The following IRAG2 variants were observed in gnomAD, a reference collection of about 807,000 sequenced individuals.
IRAG2 encodes lymphoid restricted membrane protein.
Under a neutral mutation model 69.9 loss-of-function variants are expected in IRAG2, and 45 were observed. The observed-to-expected ratio is 0.64, with a 90% CI of 0.51 to 0.83. IRAG2 has a LOEUF of 0.83. Among genes scored for constraint, IRAG2 ranks in the 40% least tolerant of loss-of-function variants. IRAG2 has a pLI of 0.00. For missense variants in IRAG2, 520 were observed against 587.0 expected (o/e 0.89, Z 1.18); for synonymous variants, 193 against 202.4 (o/e 0.95, Z 0.40).
intron 2 of IRAG2, among the ~76,000 whole-genome samples, chr12:25,062,505 A>G (rs967201146): frequency 6.6e-6 from 1 of 152,224 alleles, no homozygotes. Flanking sequence ...TCAAATTTTC[A>G]CAGACACCAT....
chr12:25,014,111 G>A (rs531094314), intron 3 of IRAG2, among the ~76,000 whole-genome samples: 47 of 151,610 alleles, frequency 3.1e-4, no homozygotes, highest in African/African-American at 1.0e-3. Context: ...TCCTGACCTC[G>A]TGATCTGCCC....
upstream of IRAG2, among the ~76,000 whole-genome samples, chr12:25,048,669 G>A (rs1324840499): frequency 6.6e-6 from 1 of 152,058 alleles, no homozygotes; most frequent in Admixed American, 6.6e-5. Context: ...TTAAACCTTT[G>A]TCCAATGGAT....
upstream of IRAG2, chr12:25,052,199 T>A: frequency 2.7e-6 from 1 of 376,530 alleles, no homozygotes; most frequent in African/African-American, 2.2e-5. Context: ...AGCTTGCGGT[T>A]TGGACTTTTT....
chr12:25,018,291 C>T (rs988357560), intron 6 of IRAG2, among the ~76,000 whole-genome samples: 2 of 149,386 alleles, frequency 1.3e-5, no homozygotes, highest in Non-Finnish European at 3.0e-5. Context: ...ACCTCCGTCT[C>T]CTAGGCTCAA....
intron 14 of IRAG2, among the ~76,000 whole-genome samples, chr12:25,036,283 G>A (rs1944701502): frequency 6.6e-6 from 1 of 151,926 alleles, no homozygotes; most frequent in South Asian, 2.1e-4. Flanking sequence ...GTACATTTTG[G>A]TACATTTTAG....
chr12:25,078,551 G>T (rs1383509176), intron 6 of IRAG2, among the ~76,000 whole-genome samples: 1 of 152,110 alleles, frequency 6.6e-6, no homozygotes, highest in South Asian at 2.1e-4. Flanking sequence ...TACTAGAAAA[G>T]CTTGTTATTA....
Position 25,089,758 on chromosome 12 carries a change from T to C in IRAG2, c.438-5T>C, listed in dbSNP as rs965668853. 1.2e-6 allele frequency: 2 copies of C among 1,613,376 alleles called. No homozygotes were observed. The highest frequency in any genetic ancestry group is 1.7e-5 in the Admixed American group (1 of 60,024). ...TTTAAATATGTTTTTTGTCTTATCC[T>C]ACAGCACTTCTGCTAATGAGAAGGA... On this transcript the variant is annotated splice_region_variant and splice_polypyrimidine_tract_variant and intron_variant, in intron 12 of 21. Coordinates refer to ENST00000556887, the MANE Select transcript of IRAG2 (RefSeq NM_001366544.2).
Position 25,066,448 on chromosome 12 carries a change from C to G in IRAG2, c.-123C>G, listed in dbSNP as rs1397031464. The G allele has an allele frequency of 7.5e-6, 3 of 401,078 alleles. No individual in the cohort carries two copies. Among genetic ancestry groups the G allele is most frequent in the Non-Finnish European group, 1.3e-5 (3 of 226,236 alleles). The allele number at this position is 401,078 out of a possible 1,614,324, so 24.8% of individuals were successfully genotyped here. ...AGGTGTAGCCAACCAAATCCACACT[C>G]TGTGTGAAAGGCCCACATATGGAGA... is the stretch of plus-strand genomic sequence containing the variant. On this transcript the variant is annotated 5_prime_UTR_variant, in exon 5 of 22. Coordinates refer to ENST00000556887, the MANE Select transcript of IRAG2 (RefSeq NM_001366544.2).
chr12:25,107,891 C>T lies in IRAG2; in HGVS notation c.1331C>T (p.Ser444Phe). 6.2e-7 allele frequency: 1 copy of T among 1,614,194 alleles called. No homozygotes were observed. The highest frequency in any genetic ancestry group is 8.5e-7 in the Non-Finnish European group (1 of 1,180,014). Residue 444 changes from serine to phenylalanine, a missense_variant, in exon 22 of 22, where the codon TCT becomes TTT. Transcript: ENST00000556887. Reference protein sequence around the residue: ...IRKANKALWLSIAFIVLFAAL... With the variant: ...IRKANKALWLFIAFIVLFAAL... ...AAGGCTAATAAGGCCCTCTGGCTCT[C>T]TATTGCATTCATTGTACTGTTTGCA...
intron 16 of IRAG2, chr12:25,101,832 G>A (rs960079207): frequency 4.3e-6 from 2 of 462,306 alleles, no homozygotes; most frequent in Non-Finnish European, 8.3e-6. Flanking sequence ...TAAACAATAT[G>A]AACTTTTCTG....
At chr12:25,064,492 G>C (rs1405678078) in intron 4 of IRAG2, among the ~76,000 whole-genome samples, 1 of 152,164 alleles carries the variant, frequency 6.6e-6, no homozygotes, top group Non-Finnish European at 1.5e-5. Context: ...AATGCCAAGA[G>C]AAAGAGCTTT....
intron 7 of IRAG2, chr12:25,020,974 C>A: frequency 1.3e-6 from 1 of 775,262 alleles, no homozygotes; most frequent in Non-Finnish European, 1.7e-6. Context: ...TACAAGAGGA[C>A]TTATCCGGTG....
intron 4 of IRAG2, among the ~76,000 whole-genome samples, chr12:25,064,251 T>A (rs939148414): frequency 3.5e-4 from 54 of 152,188 alleles, no homozygotes; most frequent in African/African-American, 1.3e-3. Flanking sequence ...CTTGAAAGAT[T>A]AGTTGGCTTT....
intron 2 of IRAG2, among the ~76,000 whole-genome samples, chr12:25,010,718 C>T (rs1944467561): frequency 6.6e-6 from 1 of 152,020 alleles, no homozygotes; most frequent in Non-Finnish European, 1.5e-5. Context: ...CATCTGCCCT[C>T]TCAAACTTCT....
intron 15 of IRAG2, 65 bp from the exon 16 acceptor site, chr12:25,101,113 A>C: frequency 7.1e-7 from 1 of 1,404,424 alleles, no homozygotes; most frequent in Non-Finnish European, 9.7e-7. Flanking sequence ...AAATGTGTTT[A>C]ATCACCATCT....
At chr12:25,031,921 C>T (rs1944670992) in intron 10 of IRAG2, among the ~76,000 whole-genome samples, 1 of 152,144 alleles carries the variant, frequency 6.6e-6, no homozygotes, top group Admixed American at 6.5e-5. Context: ...CTCGGCCTCC[C>T]AAAGTGTTGG....
intron 9 of IRAG2, among the ~76,000 whole-genome samples, chr12:25,082,838 A>G (rs1340575534): frequency 2.0e-5 from 3 of 152,232 alleles, no homozygotes; most frequent in Admixed American, 1.3e-4. Context: ...ATGTAGGACA[A>G]TGGACTGAGT....
At chr12:25,023,750 A>G (rs1002336815) in intron 7 of IRAG2, 7 of 462,486 alleles carry the variant, frequency 1.5e-5, no homozygotes, top group Non-Finnish European at 2.4e-5. Context: ...GAGTAGGCTC[A>G]TTTGTGATAG....
chr12:25,039,651 C>T (rs566146057), intron 16 of IRAG2, among the ~76,000 whole-genome samples: 69 of 152,270 alleles, frequency 4.5e-4, no homozygotes, highest in African/African-American at 1.6e-3. Context: ...AGGATGGTCT[C>T]GATCTCCTGA....
Sources: gnomAD v4.1 joint callset for allele counts (sites outside exome capture counted in the v4.1 genomes callset) on GRCh38, gnomAD v4.1.1 for gene constraint, MANE v1.5 for transcripts, NCBI Gene and HGNC (gene_info 2026-07-23, HGNC 2026-07-21) for gene names.